Variants in TNRC6B observed in about 807,000 individuals in gnomAD.
TNRC6B encodes the protein trinucleotide repeat containing adaptor 6B, also known as trinucleotide repeat-containing gene 6B protein.
A neutral mutation model predicts 203.6 loss-of-function variants in TNRC6B; 52 were observed. The observed-to-expected ratio is 0.26, with a 90% CI of 0.20 to 0.32. The LOEUF is 0.32. Among genes scored for constraint, TNRC6B ranks in the 10% least tolerant of loss-of-function variants. The pLI, the probability that TNRC6B is intolerant of heterozygous loss-of-function variation, is 1.00. For missense variants in TNRC6B, 1,923 were observed against 2,286.2 expected, an observed-to-expected ratio of 0.84 and a Z score of 3.24; for synonymous variants, 838 against 845.7, an observed-to-expected ratio of 0.99 and a Z score of 0.16.
At chr22:40,207,831 G>A (rs778931732) in intron 1 of TNRC6B, among the ~76,000 whole-genome samples, 9 of 151,900 alleles carry the variant, frequency 5.9e-5, no homozygotes, top group African/African-American at 9.7e-5. Flanking sequence ...AGAAAATACC[G>A]GCCAGGAGCA....
chr22:40,312,473 T>G, intron 17 of TNRC6B, 32 bp from the exon 18 acceptor site: 1 of 1,592,758 alleles, frequency 6.3e-7, no homozygotes, highest in Non-Finnish European at 8.5e-7. Flanking sequence ...TTAACGACCT[T>G]CCTTCTCTAA....
intron 15 of TNRC6B, 94 bp downstream of exon 15, chr22:40,301,427 C>T: frequency 7.7e-7 from 1 of 1,302,706 alleles, no homozygotes; most frequent in Non-Finnish European, 1.1e-6. Context: ...TTTTTTATGT[C>T]AGCTGTACAA....
At chr22:40,225,292 G>A (rs946401034) in intron 1 of TNRC6B, among the ~76,000 whole-genome samples, 1 of 152,094 alleles carries the variant, frequency 6.6e-6, no homozygotes, top group Admixed American at 6.6e-5. Flanking sequence ...GAGGGGTCCG[G>A]AGACACAAAG....
At chr22:40,262,762 G>T (rs189697463) in intron 4 of TNRC6B, among the ~76,000 whole-genome samples, 2 of 152,056 alleles carry the variant, frequency 1.3e-5, no homozygotes, top group Admixed American at 6.5e-5. Context: ...GTTTTTGGCC[G>T]GGCACGGTGG....
chr22:40,100,847 CAA>C, intron 1 of TNRC6B, among the ~76,000 whole-genome samples: 1 of 152,264 alleles, frequency 6.6e-6, no homozygotes, highest in Non-Finnish European at 1.5e-5. Context: ...GTTGTGGTAT[CAA>C]AAGTCAGTAA....
chr22:40,262,992 G>T (rs1176123546), intron 4 of TNRC6B, among the ~76,000 whole-genome samples: 1 of 151,078 alleles, frequency 6.6e-6, no homozygotes, highest in Non-Finnish European at 1.5e-5. Flanking sequence ...GTGAGCCGAG[G>T]TCGCGCCATT....
At chr22:40,300,608 T>C in intron 13 of TNRC6B, 22 bp downstream of exon 13, 1 of 1,587,160 alleles carries the variant, frequency 6.3e-7, no homozygotes, top group Non-Finnish European at 8.5e-7. Flanking sequence ...ATTTTCTTCC[T>C]GTGGCTAAAA....
At chr22:40,240,365 A>T (rs1243471872) in intron 1 of TNRC6B, among the ~76,000 whole-genome samples, 1 of 152,182 alleles carries the variant, frequency 6.6e-6, no homozygotes, top group Non-Finnish European at 1.5e-5. Context: ...AGGCAATATT[A>T]AACCCCCAGC....
At chr22:40,284,673 G>T (rs1601489067) in intron 11 of TNRC6B, among the ~76,000 whole-genome samples, 1 of 152,186 alleles carries the variant, frequency 6.6e-6, no homozygotes, top group Non-Finnish European at 1.5e-5. Flanking sequence ...GTTTTAAAGC[G>T]TTTTGAGATT....
chr22:40,108,136 A>G (rs1329134972), intron 1 of TNRC6B, among the ~76,000 whole-genome samples: 2 of 152,156 alleles, frequency 1.3e-5, no homozygotes, highest in South Asian at 4.1e-4. Context: ...AGCCCTGGGA[A>G]GCCATGGCAA....
chr22:40,141,624 T>A (rs2068645227), intron 3 of TNRC6B, among the ~76,000 whole-genome samples: 1 of 152,178 alleles, frequency 6.6e-6, no homozygotes, highest in South Asian at 2.1e-4. Flanking sequence ...AAGAGAATTT[T>A]AAAAATTCAC....
At chr22:40,117,525 A>G (rs992660293) in intron 2 of TNRC6B, among the ~76,000 whole-genome samples, 1 of 152,202 alleles carries the variant, frequency 6.6e-6, no homozygotes, top group African/African-American at 2.4e-5. Context: ...CATGGCATCC[A>G]GTTGCTGCAG....
intron 21 of TNRC6B, 110 bp from the exon 22 acceptor site, chr22:40,320,980 C>G (rs2071327172): frequency 1.5e-6 from 2 of 1,292,222 alleles, no homozygotes; most frequent in Admixed American, 3.9e-5. Context: ...TTTATGGAAA[C>G]TATTTGCAAA....
At chr22:40,246,838 T>C (rs1379136515) in intron 2 of TNRC6B, among the ~76,000 whole-genome samples, 1 of 152,096 alleles carries the variant, frequency 6.6e-6, no homozygotes, top group Non-Finnish European at 1.5e-5. Flanking sequence ...GAATTACAAG[T>C]AGAAACCCCT....
intron 3 of TNRC6B, among the ~76,000 whole-genome samples, chr22:40,136,371 T>TTTTGTGTG (rs150445100): frequency 7.1e-6 from 1 of 141,118 alleles, no homozygotes; most frequent in Non-Finnish European, 1.5e-5. Flanking sequence ...TATGTTTATC[T>TTTTGTGTG]TGTGTGTGTG....
At chr22:40,078,664 C>T (rs2068040235) in intron 1 of TNRC6B, among the ~76,000 whole-genome samples, 1 of 152,008 alleles carries the variant, frequency 6.6e-6, no homozygotes. Flanking sequence ...ACGATCTCAG[C>T]TCACTGCAAC....
chr22:40,083,188 AAGGAAAGCC>A (rs1352867587), intron 1 of TNRC6B, among the ~76,000 whole-genome samples: 6 of 152,190 alleles, frequency 3.9e-5, no homozygotes, highest in Non-Finnish European at 7.4e-5. Flanking sequence ...AAAGACATAG[AAGGAAAGCC>A]AGGAGAGTGT....
intron 1 of TNRC6B, among the ~76,000 whole-genome samples, chr22:40,192,816 A>G (rs1019890404): frequency 6.6e-6 from 1 of 152,276 alleles, no homozygotes; most frequent in Non-Finnish European, 1.5e-5. Flanking sequence ...GTAGAAGGCA[A>G]TGTGTTTGGC....
chr22:40,170,937 A>G (rs1372200025), intron 4 of TNRC6B, among the ~76,000 whole-genome samples: 1 of 146,388 alleles, frequency 6.8e-6, no homozygotes, highest in Non-Finnish European at 1.5e-5. Flanking sequence ...ACACCCATAT[A>G]TGTACATATA....
Sources: allele counts gnomAD v4.1 joint callset (sites outside exome capture counted in the v4.1 genomes callset), GRCh38; gene constraint gnomAD v4.1.1; transcripts MANE v1.5; gene names NCBI Gene and HGNC (gene_info 2026-07-23, HGNC 2026-07-21).